Variants in PTGER4 observed in about 807,000 individuals in gnomAD.
The protein encoded by PTGER4 is prostaglandin E2 receptor EP4 subtype.
Under a neutral mutation model 33.2 loss-of-function variants are expected in PTGER4, and 11 were observed. The ratio of observed to expected loss-of-function variants is 0.33; its 90% CI spans 0.21 to 0.55. The LOEUF (loss-of-function observed/expected upper bound fraction) is 0.55, where lower values mean the gene tolerates loss of function less well. Ranked by LOEUF, PTGER4 falls within the 20% of genes least tolerant of loss-of-function variation. The pLI, the probability that PTGER4 is intolerant of heterozygous loss-of-function variation, is 0.92. For missense variants in PTGER4, 481 were observed against 650.2 expected (o/e 0.74, Z 2.83); for synonymous variants, 275 against 281.5 (o/e 0.98, Z 0.23).
the PTGER4 span, among the ~76,000 whole-genome samples, chr5:40,739,864 T>C: frequency 1.3e-5 from 2 of 152,238 alleles, no homozygotes; most frequent in East Asian, 1.9e-4. Context: ...AGTTTTCATA[T>C]AGTTTTTATA....
the PTGER4 span, among the ~76,000 whole-genome samples, chr5:40,732,209 G>T: frequency 1.3e-5 from 2 of 151,960 alleles, no homozygotes; most frequent in African/African-American, 4.8e-5. Context: ...TAGAGACAGG[G>T]TCTCACTATG....
At chr5:40,737,601 T>C in the PTGER4 span, among the ~76,000 whole-genome samples, 2 of 152,222 alleles carry the variant, frequency 1.3e-5, no homozygotes, top group African/African-American at 4.8e-5. Context: ...GTGATTTATA[T>C]ATCAAAAAAC....
the PTGER4 span, among the ~76,000 whole-genome samples, chr5:40,743,813 A>G: frequency 6.6e-6 from 1 of 152,222 alleles, no homozygotes; most frequent in Non-Finnish European, 1.5e-5. Flanking sequence ...CTAAAGCAGT[A>G]TATACATTAC....
rs902347769 is a variant in PTGER4, at chr5:40,691,617, A to G, written c.868-162A>G. Among the ~76,000 whole-genome samples the G allele has an allele frequency of 1.3e-5, 2 of 152,176 alleles. No individual in the cohort carries two copies. Among genetic ancestry groups the G allele is most frequent in the Non-Finnish European group, 2.9e-5 (2 of 68,024 alleles). On this transcript the variant is annotated intron_variant, in intron 2 of 2. Transcript: ENST00000302472. The surrounding 1 kb of genome is among the most constrained non-coding windows in gnomAD (Gnocchi z 4.2). ...AGGCGTGAGCCACCGTGCCCAGCCC[A>G]TGACTGGTTTTTCTGAGGCTTATTA...
At chr5:40,697,817 A>G (rs1022718901), downstream of PTGER4, among the ~76,000 whole-genome samples, 3 of 151,848 alleles carry the variant, frequency 2.0e-5, no homozygotes, top group Non-Finnish European at 4.4e-5. Context: ...ATGTGTAATA[A>G]GTATACTCAT....
the PTGER4 span, among the ~76,000 whole-genome samples, chr5:40,735,408 C>T: frequency 2.6e-5 from 4 of 152,058 alleles, no homozygotes; most frequent in African/African-American, 9.7e-5. Flanking sequence ...TTACAACACA[C>T]TGAAAATGTA....
At chr5:40,698,092 C>CAAAAAAAAAAAAAAA (rs1156254550), downstream of PTGER4, among the ~76,000 whole-genome samples, 6 of 40,054 alleles carry the variant, frequency 1.5e-4, no homozygotes, top group Admixed American at 4.7e-4. Flanking sequence ...CCTGTCTCTA[C>CAAAAAAAAAAAAAAA]AAAAAAAAAA....
At position 40,681,943 on chromosome 5, in the gene PTGER4, CTGA is replaced by C; in HGVS notation, c.867+84_867+86del. ...CCATTCCCCGCTCCCTGCTTTCCCT[CTGA>C]GTCCTTGGCAGTGAACGTGTCGCCT... On this transcript the variant is annotated intron_variant, in intron 2 of 2. Coordinates refer to ENST00000302472, the MANE Select transcript of PTGER4 (RefSeq NM_000958.3). This position sits in a 1 kb window ranked among gnomAD's most constrained non-coding sequence, Gnocchi z 9.8. 3 of 1,435,070 alleles carry C rather than the reference CTGA, an allele frequency of 2.1e-6. No homozygotes were observed. The highest frequency in any genetic ancestry group is 2.8e-6 in the Non-Finnish European group (3 of 1,086,940). 88.9% of individuals were successfully genotyped at this position (1,435,070 alleles called of 1,614,324 possible).
In PTGER4 at chr5:40,680,939, T is replaced by A; in HGVS notation, c.-43-12T>A. 1.3e-6 allele frequency: 2 copies of A among 1,549,188 alleles called. No individual in the cohort carries two copies. Among genetic ancestry groups the A allele is most frequent in the Non-Finnish European group, 1.7e-6 (2 of 1,148,672 alleles). ...GCTCACGGCAGCTTTGTCTCTCTTC[T>A]ACCATCCCCAGACCCAGCCTTGCAC... is the stretch of plus-strand genomic sequence containing the variant. On this transcript the variant is annotated splice_polypyrimidine_tract_variant and intron_variant, in intron 1 of 2. Transcript: ENST00000302472. This position sits in a 1 kb window ranked among gnomAD's most constrained non-coding sequence, Gnocchi z 5.5.
chr5:40,733,725 G>C, the PTGER4 span, among the ~76,000 whole-genome samples: 2 of 152,138 alleles, frequency 1.3e-5, no homozygotes, highest in South Asian at 4.1e-4. Flanking sequence ...AATACCACTA[G>C]CACTACTGCT....
chr5:40,716,229 AGACACAATAAC>A, the PTGER4 span: 2 of 1,614,248 alleles, frequency 1.2e-6, no homozygotes, highest in African/African-American at 2.7e-5. Flanking sequence ...CCCCAGAAGC[AGACACAATAAC>A]CATTGTTTTA....
chr5:40,681,540 G>T lies in PTGER4; in HGVS notation c.547G>T (p.Ala183Ser). Residue 183 changes from alanine (A) to serine (S), a missense_variant, in exon 2 of 3, where the codon GCC (alanine) becomes TCC (serine). Physicochemically the swap from Ala to Ser is moderately conservative, Grantham distance 99. This residue lies in a region of PTGER4 where 174 missense variants were observed against 210.5 expected (regional missense o/e 0.83). Coordinates refer to ENST00000302472, the MANE Select transcript of PTGER4 (RefSeq NM_000958.3). This position sits in a 1 kb window ranked among gnomAD's most constrained non-coding sequence, Gnocchi z 9.8. Reference protein sequence around the residue: ...DWTTNVTAHAAYSYMYAGFSS... With the variant: ...DWTTNVTAHASYSYMYAGFSS... ...GACCACCAACGTGACGGCGCACGCCGCCTACTCCTACATGTACGCGGGCTT... is the reference window on the plus strand; with the variant it reads ...GACCACCAACGTGACGGCGCACGCCTCCTACTCCTACATGTACGCGGGCTT... 6.2e-7 allele frequency: 1 copy of T among 1,612,402 alleles called. No individual in the cohort carries two copies.
chr5:40,743,415 A>AT, the PTGER4 span, among the ~76,000 whole-genome samples: 7 of 152,142 alleles, frequency 4.6e-5, no homozygotes, highest in African/African-American at 9.6e-5. Flanking sequence ...GGGACTCAGT[A>AT]TTTTTTTTAA....
chr5:40,709,046 G>A, the PTGER4 span, among the ~76,000 whole-genome samples: 2 of 152,138 alleles, frequency 1.3e-5, no homozygotes, highest in African/African-American at 4.8e-5. Flanking sequence ...AATAATAAGA[G>A]CTATCTATGA....
At position 40,683,312 on chromosome 5, in the gene PTGER4, A is replaced by G. The variant is rs1741243495; in HGVS notation, c.867+1452A>G. ...AGCCAGAATACAGTAGGTTCTTACC[A>G]ATTTGTATAAACAGAAGTAAATATA... On this transcript the variant is annotated intron_variant, in intron 2 of 2. Transcript: ENST00000302472. This position sits in a 1 kb window ranked among gnomAD's most constrained non-coding sequence, Gnocchi z 4.2. Among the ~76,000 whole-genome samples, 1 of 152,250 alleles carries G rather than the reference A, an allele frequency of 6.6e-6. No homozygotes were observed. Among genetic ancestry groups the G allele is most frequent in the Admixed American group, 6.5e-5 (1 of 15,288 alleles).
At chr5:40,713,492 G>A in the PTGER4 span, among the ~76,000 whole-genome samples, 1 of 152,078 alleles carries the variant, frequency 6.6e-6, no homozygotes, top group South Asian at 2.1e-4. Context: ...TTGTATGTAG[G>A]CCCCAGTTGC....
At chr5:40,697,823 CTCATA>C (rs1741649335), downstream of PTGER4, among the ~76,000 whole-genome samples, 1 of 151,344 alleles carries the variant, frequency 6.6e-6, no homozygotes, top group Admixed American at 6.6e-5. Context: ...AATAAGTATA[CTCATA>C]TCAAATAATG....
chr5:40,704,779 G>C, the PTGER4 span, among the ~76,000 whole-genome samples: 1 of 152,094 alleles, frequency 6.6e-6, no homozygotes, highest in Admixed American at 6.6e-5. Context: ...GATGTGAATG[G>C]TCTCTACAAT....
At chr5:40,735,137 T>C in the PTGER4 span, among the ~76,000 whole-genome samples, 1 of 152,198 alleles carries the variant, frequency 6.6e-6, no homozygotes, top group Non-Finnish European at 1.5e-5. Context: ...GCCGAAGCCA[T>C]GATCACAGAG....
Sources: gnomAD v4.1 joint callset for allele counts (sites outside exome capture counted in the v4.1 genomes callset) on GRCh38, gnomAD v4.1.1 for gene constraint, gnomAD v4.1.1 regional missense constraint, Gnocchi (gnomAD v3.1) non-coding constraint, MANE v1.5 for transcripts, NCBI Gene and HGNC (gene_info 2026-07-23, HGNC 2026-07-21) for gene names.